PRKCE: variants seen among roughly 807,000 people sequenced by gnomAD.
PRKCE encodes protein kinase C epsilon type.
Under a neutral mutation model 85.4 loss-of-function variants are expected in PRKCE, and 16 were observed. The observed-to-expected ratio is 0.19, with a 90% CI of 0.13 to 0.28. PRKCE has a LOEUF of 0.28. Ranked by LOEUF, PRKCE falls within the 10% of genes least tolerant of loss-of-function variation. The probability of loss-of-function intolerance (pLI) is 1.00; values close to 1 mark genes in which losing one functional copy is unlikely to be tolerated. For missense variants in PRKCE, 573 were observed against 975.2 expected (o/e 0.59, Z 5.49); for synonymous variants, 388 against 371.5 (o/e 1.04, Z -0.51).
chr2:45,925,295 T>TTTTA (rs1320163112), intron 2 of PRKCE, among the ~76,000 whole-genome samples: 2 of 145,172 alleles, frequency 1.4e-5, no homozygotes, highest in Admixed American at 7.0e-5. Flanking sequence ...ATGCTGTATT[T>TTTTA]TTTATTTATT....
At chr2:45,931,963 C>T (rs192688311) in intron 2 of PRKCE, among the ~76,000 whole-genome samples, 9 of 152,220 alleles carry the variant, frequency 5.9e-5, no homozygotes, top group East Asian at 3.9e-4. Context: ...GTGACCCACC[C>T]GCCTCAGCCT....
intron 2 of PRKCE, among the ~76,000 whole-genome samples, chr2:45,940,456 A>T (rs1009433373): frequency 1.3e-5 from 2 of 152,234 alleles, no homozygotes; most frequent in African/African-American, 4.8e-5. Context: ...AAACATTTCA[A>T]AATGTTGTTG....
intron 1 of PRKCE, among the ~76,000 whole-genome samples, chr2:45,829,378 G>A (rs1028948655): frequency 9.9e-5 from 15 of 152,132 alleles, no homozygotes; most frequent in African/African-American, 1.9e-4. Flanking sequence ...ATTCAAGGTG[G>A]TCCTGGAGAA....
intron 2 of PRKCE, among the ~76,000 whole-genome samples, chr2:45,960,857 C>T (rs776121350): frequency 1.3e-5 from 2 of 152,126 alleles, no homozygotes; most frequent in South Asian, 4.1e-4. Flanking sequence ...TCCTTTCTGC[C>T]CCCCAGTTTT....
At position 45,743,453 on chromosome 2, in the gene PRKCE, A is replaced by C. The variant is rs149806734; in HGVS notation, c.348+91005A>C. Among the ~76,000 whole-genome samples the C allele has an allele frequency of 7.5e-3, 1,143 of 152,132 alleles. 12 individuals carry two copies. Among genetic ancestry groups the C allele is most frequent in the African/African-American group, 0.026 (1,070 of 41,510 alleles). On this transcript the variant is annotated intron_variant, in intron 1 of 14. Coordinates refer to ENST00000306156, the MANE Select transcript of PRKCE (RefSeq NM_005400.3). ...CCACCTGATGGAAGTCTTTCTCTCC[A>C]GCTATTTCCCACCCCTCACCGAGAG...
intron 1 of PRKCE, among the ~76,000 whole-genome samples, chr2:45,729,488 C>A (rs1487916034): frequency 2.0e-5 from 3 of 152,136 alleles, no homozygotes; most frequent in Non-Finnish European, 2.9e-5. Flanking sequence ...CTATGTGTCC[C>A]CCTTCATTAC....
chr2:45,725,373 A>G (rs1367177529), intron 1 of PRKCE, among the ~76,000 whole-genome samples: 4 of 152,238 alleles, frequency 2.6e-5, no homozygotes, highest in African/African-American at 7.2e-5. Flanking sequence ...TGTTGTTTTC[A>G]TGCCTGCTAA....
intron 11 of PRKCE, among the ~76,000 whole-genome samples, chr2:46,125,278 C>T (rs1673737377): frequency 1.3e-5 from 2 of 152,194 alleles, no homozygotes. Flanking sequence ...AAATAGGCGT[C>T]ATCCCCGGTA....
At chr2:46,010,827 T>C (rs1705609977) in intron 10 of PRKCE, 12 of 1,559,346 alleles carry the variant, frequency 7.7e-6, no homozygotes, top group Non-Finnish European at 1.0e-5. Flanking sequence ...TAGTCCTTGC[T>C]CTGCTCCTAA....
At chr2:45,841,966 C>A (rs925250310) in intron 1 of PRKCE, among the ~76,000 whole-genome samples, 9 of 152,158 alleles carry the variant, frequency 5.9e-5, no homozygotes, top group African/African-American at 2.2e-4. Context: ...GGGGAGAGAG[C>A]CTGGCACTAT....
intron 11 of PRKCE, among the ~76,000 whole-genome samples, chr2:46,092,084 C>G (rs557209297): frequency 1.5e-4 from 23 of 152,322 alleles, no homozygotes; most frequent in African/African-American, 5.1e-4. Context: ...GAGCAACTTA[C>G]AAAACCTCTT....
In PRKCE at chr2:45,841,258, C is replaced by T. The variant is rs149446305; in HGVS notation, c.349-1742C>T. On this transcript the variant is annotated intron_variant, in intron 1 of 14. Transcript: ENST00000306156. Reference sequence around the variant, plus strand: ...CACACGATCACAAGGTGAAGTCCCACAATAGGCCGTCTGCACGCTGAGGAG... The same window carrying T: ...CACACGATCACAAGGTGAAGTCCCATAATAGGCCGTCTGCACGCTGAGGAG... Among the ~76,000 whole-genome samples, 12 of 152,290 alleles carry T rather than the reference C, an allele frequency of 7.9e-5. No individual in the cohort carries two copies. In the East Asian group the frequency reaches 2.3e-3, roughly 29 times the overall value.
chr2:46,031,531 C>G (rs940303315), intron 10 of PRKCE, among the ~76,000 whole-genome samples: 6 of 152,034 alleles, frequency 3.9e-5, no homozygotes, highest in Non-Finnish European at 7.3e-5. Flanking sequence ...TCTTATCTCC[C>G]AAAATCACTG....
chr2:45,775,471 CAA>C (rs1159496049), intron 1 of PRKCE, among the ~76,000 whole-genome samples: 1 of 152,184 alleles, frequency 6.6e-6, no homozygotes, highest in Non-Finnish European at 1.5e-5. Flanking sequence ...CATTTTAAAT[CAA>C]AGAGCCCCCA....
At chr2:46,060,179 C>T (rs947643235) in intron 10 of PRKCE, among the ~76,000 whole-genome samples, 25 of 152,170 alleles carry the variant, frequency 1.6e-4, no homozygotes, top group African/African-American at 5.3e-4. Flanking sequence ...GGAGAAGAGT[C>T]TTTTTGCCAT....
At chr2:46,055,421 C>T (rs72876177) in intron 10 of PRKCE, among the ~76,000 whole-genome samples, 6,915 of 152,320 alleles carry the variant, frequency 0.045, 437 homozygotes, top group African/African-American at 0.14. Context: ...ACTCTAGTTC[C>T]CTCCCATGAA....
intron 1 of PRKCE, among the ~76,000 whole-genome samples, chr2:45,725,562 AAC>A (rs1484053641): frequency 6.6e-6 from 1 of 152,098 alleles, no homozygotes; most frequent in Non-Finnish European, 1.5e-5. Context: ...TGCCATTAAG[AAC>A]ACTCACATCT....
rs1186953848 is a variant in PRKCE, at chr2:46,068,748, T to G, written c.1438-17460T>G. On this transcript the variant is annotated intron_variant, in intron 10 of 14. Transcript: ENST00000306156. The surrounding 1 kb of genome is among the most constrained non-coding windows in gnomAD (Gnocchi z 4.3). ...GCCTGGCATGTAGACGGGAGAGACTTGGAGCAGTTGCCCAAATGCCTCAGA... is the reference window on the plus strand; with the variant it reads ...GCCTGGCATGTAGACGGGAGAGACTGGGAGCAGTTGCCCAAATGCCTCAGA... Among the ~76,000 whole-genome samples the G allele has an allele frequency of 6.6e-6, 1 of 152,228 alleles. No individual in the cohort carries two copies. Among genetic ancestry groups the G allele is most frequent in the African/African-American group, 2.4e-5 (1 of 41,450 alleles).
chr2:45,979,062 T>C, intron 4 of PRKCE, 52 bp downstream of exon 4: 7 of 1,547,170 alleles, frequency 4.5e-6, no homozygotes, highest in Non-Finnish European at 4.4e-6. Flanking sequence ...TAGATCCAGA[T>C]CACTGGCACC....
Sources: gnomAD v4.1 joint callset for allele counts (sites outside exome capture counted in the v4.1 genomes callset) on GRCh38, gnomAD v4.1.1 for gene constraint, Gnocchi (gnomAD v3.1) non-coding constraint, MANE v1.5 for transcripts, NCBI Gene and HGNC (gene_info 2026-07-23, HGNC 2026-07-21) for gene names.